The following SVIL variants were observed in gnomAD, a reference collection of about 807,000 sequenced individuals.
SVIL encodes the protein supervillin.
SVIL carries 101 observed loss-of-function variants against 240.4 expected under a neutral mutation model. The ratio of observed to expected loss-of-function variants is 0.42; its 90% CI spans 0.36 to 0.50. The LOEUF (loss-of-function observed/expected upper bound fraction) is 0.50. Ranked by LOEUF, SVIL falls within the 20% of genes least tolerant of loss-of-function variation. The pLI is 0.01. For synonymous variants in SVIL, 999 were observed against 1,100.0 expected (o/e 0.91, Z 1.82); for missense variants, 2,512 against 2,818.7 (o/e 0.89, Z 2.46).
intron 1 of SVIL, among the ~76,000 whole-genome samples, chr10:29,688,136 A>G (rs1961232697): frequency 6.6e-6 from 1 of 152,238 alleles, no homozygotes; most frequent in Admixed American, 6.5e-5. Flanking sequence ...TTTTCCCCCA[A>G]AGACACATTG....
chr10:29,676,871 G>A (rs1380942811), intron 2 of SVIL, among the ~76,000 whole-genome samples: 1 of 152,124 alleles, frequency 6.6e-6, no homozygotes, highest in Non-Finnish European at 1.5e-5. Context: ...TGACCCTTGG[G>A]TCTTGGAAAC....
intron 32 of SVIL, among the ~76,000 whole-genome samples, chr10:29,468,741 A>T (rs1235405147): frequency 1.6e-4 from 24 of 152,140 alleles, no homozygotes; most frequent in Non-Finnish European, 1.5e-5. Context: ...AAGGAAAAGC[A>T]ATTCTTACTC....
At chr10:29,547,435 T>C (rs1290525365) in intron 6 of SVIL, among the ~76,000 whole-genome samples, 1 of 152,164 alleles carries the variant, frequency 6.6e-6, no homozygotes, top group Non-Finnish European at 1.5e-5. Flanking sequence ...GTCCTTACAA[T>C]TTCTTAATTC....
chr10:29,532,613 ATCTC>A lies in SVIL; in HGVS notation c.1750_1753del (p.Glu584SerfsTer76). 6.2e-7 allele frequency: 1 copy of A among 1,614,020 alleles called. No homozygotes were observed. Among genetic ancestry groups the A allele is most frequent in the East Asian group, 2.2e-5 (1 of 44,852 alleles). ...AGAGACTTTTGTGTCCAGCATGCTG[ATCTC>A]CCCATAAGGCCCTTCGGTCTTGGAG... On this transcript the variant is annotated frameshift_variant, in exon 8 of 38. Coordinates refer to ENST00000355867, the MANE Select transcript of SVIL (RefSeq NM_021738.3). LOFTEE classifies it high-confidence loss of function.
At chr10:29,725,607 G>A (rs1273685860) in intron 1 of SVIL, among the ~76,000 whole-genome samples, 1 of 152,152 alleles carries the variant, frequency 6.6e-6, no homozygotes, top group Non-Finnish European at 1.5e-5. Context: ...AAATAGAGCT[G>A]CTTGCCTCAC....
intron 27 of SVIL, chr10:29,483,927 G>A (rs1175317396): frequency 6.6e-6 from 1 of 152,166 alleles, no homozygotes; most frequent in Non-Finnish European, 1.5e-5. Flanking sequence ...TATGCTGTTT[G>A]GTGGTTCACT....
At chr10:29,511,215 C>T (rs1164940472) in intron 17 of SVIL, among the ~76,000 whole-genome samples, 2 of 138,970 alleles carry the variant, frequency 1.4e-5, no homozygotes, top group East Asian at 1.9e-4. Flanking sequence ...TCAGGTGGTT[C>T]GGATCTCATC....
intron 3 of SVIL, among the ~76,000 whole-genome samples, chr10:29,646,110 AT>A (rs1265738285): frequency 1.3e-5 from 2 of 152,162 alleles, no homozygotes; most frequent in African/African-American, 4.8e-5. Flanking sequence ...TAAGTGCTCG[AT>A]AAATATTTCT....
At chr10:29,662,291 T>C (rs1221529330) in intron 2 of SVIL, among the ~76,000 whole-genome samples, 1 of 152,126 alleles carries the variant, frequency 6.6e-6, no homozygotes, top group Non-Finnish European at 1.5e-5. Context: ...CCTTCATCCA[T>C]CCTCAGAGAC....
intron 20 of SVIL, among the ~76,000 whole-genome samples, 172 bp from the exon 21 acceptor site, chr10:29,493,563 G>A (rs78969219): frequency 2.1e-3 from 327 of 152,254 alleles, no homozygotes; most frequent in African/African-American, 6.6e-3. Context: ...AATCTCTGAC[G>A]TAAGGACTTC....
intron 5 of SVIL, 93 bp downstream of exon 5, chr10:29,554,690 A>C (rs965292667): frequency 2.3e-5 from 31 of 1,377,600 alleles, no homozygotes; most frequent in Non-Finnish European, 2.8e-5. Context: ...CTTCTGTGGA[A>C]TATCTCATGT....
At chr10:29,618,280 T>G (rs1347379355) in intron 1 of SVIL, among the ~76,000 whole-genome samples, 1 of 152,212 alleles carries the variant, frequency 6.6e-6, no homozygotes, top group Admixed American at 6.5e-5. Flanking sequence ...AAGGAGGATT[T>G]ATTGTATTGT....
chr10:29,550,783 G>A lies in SVIL; in HGVS notation c.641C>T (p.Thr214Ile). 1 of 1,614,140 alleles carries A rather than the reference G, an allele frequency of 6.2e-7. No individual in the cohort carries two copies. The highest frequency in any genetic ancestry group is 1.1e-5 in the South Asian group (1 of 91,078). Reference protein sequence around the residue: ...NQRRGQELSATRQAHDLSPAA... With the variant: ...NQRRGQELSAIRQAHDLSPAA... ...TGGGGACAGGTCATGGGCCTGCCGG[G>A]TGGCACTCAGCTCTTGACCTCGTCT... The change falls in exon 6 of 38, where the codon ACC becomes ATC. Residue 214 changes from threonine to isoleucine, a missense_variant. Physicochemically the swap from Thr to Ile is moderately conservative, Grantham distance 89. This residue lies in a region of SVIL where 1,443 missense variants were observed against 1,486.6 expected (regional missense o/e 0.97). Coordinates refer to ENST00000355867, the MANE Select transcript of SVIL (RefSeq NM_021738.3).
At chr10:29,506,026 C>T (rs1408665405) in intron 17 of SVIL, among the ~76,000 whole-genome samples, 1 of 152,086 alleles carries the variant, frequency 6.6e-6, no homozygotes, top group African/African-American at 2.4e-5. Flanking sequence ...ATACCTAATA[C>T]AAGGTAATGT....
At chr10:29,683,091 G>T (rs1187716236) in intron 2 of SVIL, among the ~76,000 whole-genome samples, 1 of 152,198 alleles carries the variant, frequency 6.6e-6, no homozygotes, top group African/African-American at 2.4e-5. Flanking sequence ...ATTTGAGAAA[G>T]ACATAAGACT....
At chr10:29,615,204 A>G (rs1285896709) in intron 1 of SVIL, among the ~76,000 whole-genome samples, 1 of 152,212 alleles carries the variant, frequency 6.6e-6, no homozygotes, top group African/African-American at 2.4e-5. Flanking sequence ...TTAAAAAACT[A>G]TCATATCACA....
chr10:29,662,209 T>C (rs1554889083), intron 2 of SVIL, among the ~76,000 whole-genome samples: 1 of 152,132 alleles, frequency 6.6e-6, no homozygotes, highest in Non-Finnish European at 1.5e-5. Context: ...AGGCACTTCC[T>C]CCCCGGTCTC....
chr10:29,553,991 A>C (rs1953647487), intron 5 of SVIL, among the ~76,000 whole-genome samples: 1 of 152,122 alleles, frequency 6.6e-6, no homozygotes, highest in African/African-American at 2.4e-5. Context: ...GTGAAGAAAG[A>C]CACAGCTTCT....
chr10:29,710,469 A>C (rs1963200703), intron 1 of SVIL, among the ~76,000 whole-genome samples: 1 of 152,232 alleles, frequency 6.6e-6, no homozygotes, highest in African/African-American at 2.4e-5. Context: ...TTTTGTGTGA[A>C]GAGAACCTGA....
Sources: allele counts gnomAD v4.1 joint callset (sites outside exome capture counted in the v4.1 genomes callset), GRCh38; gene constraint gnomAD v4.1.1; regional missense constraint gnomAD v4.1.1; transcripts MANE v1.5; gene names NCBI Gene and HGNC (gene_info 2026-07-23, HGNC 2026-07-21).